Variants in GAB3 observed in about 807,000 individuals in gnomAD.
GAB3 encodes the protein GRB2 associated binding protein 3.
Under a neutral mutation model 40.4 loss-of-function variants are expected in GAB3, and 12 were observed. The observed-to-expected ratio is 0.30, with a 90% CI of 0.19 to 0.48. GAB3 has a LOEUF of 0.48. GAB3 is among the 20% of genes least tolerant of loss of function. GAB3 has a pLI of 0.99. For synonymous variants in GAB3, 154 were observed against 176.7 expected (o/e 0.87, Z 1.02); for missense variants, 381 against 461.9 (o/e 0.82, Z 1.61).
At chrX:154,709,470 G>C (rs781823936) in intron 4 of GAB3, among the ~76,000 whole-genome samples, 10 of 108,908 alleles carry the variant, frequency 9.2e-5, no homozygotes, top group Admixed American at 2.0e-4. Flanking sequence ...ACAGGCACCC[G>C]CCACCACACT....
chrX:154,715,054 G>C (rs1173611949), intron 2 of GAB3, among the ~76,000 whole-genome samples: 3 of 112,334 alleles, frequency 2.7e-5, no homozygotes, highest in African/African-American at 9.7e-5. Flanking sequence ...AAACGAAAAG[G>C]AATGTGTTCT....
intron 1 of GAB3, among the ~76,000 whole-genome samples, chrX:154,728,134 T>C (rs1385774257): frequency 1.8e-5 from 2 of 111,345 alleles, no homozygotes; most frequent in Non-Finnish European, 3.8e-5. Context: ...GGTGGTGAAA[T>C]CCCAAAGCTG....
chrX:154,685,054 T>C (rs1361158243), intron 8 of GAB3, among the ~76,000 whole-genome samples: 1 of 112,143 alleles, frequency 8.9e-6, no homozygotes, highest in Non-Finnish European at 1.9e-5. Flanking sequence ...TCACTCTTTG[T>C]GCTTAGTCTG....
intron 8 of GAB3, among the ~76,000 whole-genome samples, chrX:154,683,719 G>T (rs782013004): frequency 9.9e-5 from 11 of 111,455 alleles, no homozygotes; most frequent in Admixed American, 1.9e-4. Flanking sequence ...ATTTTTTTGT[G>T]GGGGGGAGGG....
At chrX:154,678,537 G>A (rs1460288544) in intron 9 of GAB3, among the ~76,000 whole-genome samples, 1 of 111,877 alleles carries the variant, frequency 8.9e-6, no homozygotes, top group East Asian at 2.8e-4. Flanking sequence ...TGGCATGGCG[G>A]CACGTGCCTG....
intron 1 of GAB3, among the ~76,000 whole-genome samples, chrX:154,727,014 A>G (rs6643697): frequency 0.011 from 1,223 of 112,441 alleles, 14 homozygotes; most frequent in African/African-American, 0.038. Context: ...TTCTTAACAA[A>G]GAAGTCAATA....
chrX:154,749,500 C>G (rs782640183), intron 1 of GAB3, among the ~76,000 whole-genome samples: 3 of 112,293 alleles, frequency 2.7e-5, no homozygotes, highest in Admixed American at 1.9e-4. Flanking sequence ...TCTCTTGCCT[C>G]CTTTGAGTAG....
At position 154,690,968 on chromosome X, in the gene GAB3, C is replaced by T. The variant is rs782786224; in HGVS notation, c.1530+4949G>A. On this transcript the variant is annotated intron_variant, in intron 8 of 9. Coordinates refer to ENST00000424127, the MANE Select transcript of GAB3 (RefSeq NM_001081573.3). ...ATGCTGCTATAAAGACACATGCACA[C>T]GTATGTTTATTGCAGCATTATTCAC... Among the ~76,000 whole-genome samples, 423 of 110,048 alleles carry T rather than the reference C, an allele frequency of 3.8e-3. 3 individuals carry two copies. Among genetic ancestry groups the T allele is most frequent in the Non-Finnish European group, 5.8e-3 (306 of 52,988 alleles).
In GAB3 at chrX:154,734,580, T is replaced by C. The variant is rs782020050; in HGVS notation, c.72+16374A>G. 9.8e-5 allele frequency among the ~76,000 whole-genome samples: 11 copies of C among 112,273 alleles called. No individual in the cohort carries two copies. The South Asian group carries it at 4.1e-3, about 42-fold the overall frequency. On this transcript the variant is annotated intron_variant, in intron 1 of 9. Coordinates refer to ENST00000424127, the MANE Select transcript of GAB3 (RefSeq NM_001081573.3). ...GGCTCTACTTGGCAGGAAGACACTG[T>C]GTTTTCAGGCACTGGGCACAACCCA...
Position 154,742,985 on chromosome X carries a change from CATAT to C in GAB3, c.72+7965_72+7968del, listed in dbSNP as rs34588574. Among the ~76,000 whole-genome samples, 422 of 92,307 alleles carry C rather than the reference CATAT, an allele frequency of 4.6e-3. 1 individual carries two copies. Among genetic ancestry groups the C allele is most frequent in the South Asian group, 6.0e-3 (11 of 1,834 alleles). 80.2% of individuals were successfully genotyped at this position (92,307 alleles called of 115,157 possible). ...ATGGGTGAATTCTATAGTGTGTGTACATATATATATATATATATATATATGTACA... is the reference window on the plus strand; with the variant it reads ...ATGGGTGAATTCTATAGTGTGTGTACATATATATATATATATATATGTACA... On this transcript the variant is annotated intron_variant, in intron 1 of 9. Coordinates refer to ENST00000424127, the MANE Select transcript of GAB3 (RefSeq NM_001081573.3).
chrX:154,697,496 T>C (rs997483913), intron 6 of GAB3, among the ~76,000 whole-genome samples: 9 of 111,890 alleles, frequency 8.0e-5, no homozygotes, highest in African/African-American at 2.9e-4. Flanking sequence ...ACAGGATGAA[T>C]AAAGCAGATG....
At chrX:154,746,052 C>CAAAAAAAAAA (rs201582710) in intron 1 of GAB3, among the ~76,000 whole-genome samples, 1 of 31,525 alleles carries the variant, frequency 3.2e-5, no homozygotes, top group Non-Finnish European at 6.1e-5. Context: ...AACTCCATCT[C>CAAAAAAAAAA]AAAAAAAAAA....
At chrX:154,743,524 T>C (rs2071478239) in intron 1 of GAB3, among the ~76,000 whole-genome samples, 1 of 112,035 alleles carries the variant, frequency 8.9e-6, no homozygotes, top group African/African-American at 3.2e-5. Flanking sequence ...AAATTAGTAG[T>C]AGTGTATCAT....
Position 154,699,321 on chromosome X carries a change from T to A in GAB3, c.1318A>T (p.Asn440Tyr). Residue 440 changes from asparagine (N) to tyrosine (Y), a missense_variant, in exon 6 of 10, where the codon AAT (asparagine) becomes TAT (tyrosine). Physicochemically the swap from Asn to Tyr is moderately radical, Grantham distance 143. This residue lies in a region of GAB3 where 364 missense variants were observed against 421.0 expected (regional missense o/e 0.86). Transcript: ENST00000424127. ...LPANLEPPPV[N>Y]RDLKPQRKSR... ...TTCCTCTGAGGCTTGAGATCTCTAT[T>A]CACTGGGGGAGGTTCCAGGTTTGCA... 2 of 1,210,022 alleles carry A rather than the reference T, an allele frequency of 1.7e-6. No individual in the cohort carries two copies. Among genetic ancestry groups the A allele is most frequent in the African/African-American group, 1.7e-5 (1 of 57,640 alleles).
rs781803525 is a variant in GAB3 at position 154,712,543 on chromosome X, C to T, written c.755G>A (p.Arg252Lys). ...GSGAQEVPSS[R>K]PQAALIWSRE... is the part of the protein sequence containing the mutation. ...ACTCCAGATCAGGGCAGCCTGAGGC[C>T]TCGAGGATGGCACCTCCTGAGCTCC... The change falls in exon 4 of 10, where the codon AGG becomes AAG. Residue 252 changes from arginine to lysine, a missense_variant. Physicochemically the swap from Arg to Lys is conservative, Grantham distance 26 (BLOSUM62 2). Transcript: ENST00000424127. 2.5e-6 allele frequency: 3 copies of T among 1,186,430 alleles called. No homozygotes were observed. The highest frequency in any genetic ancestry group is 1.8e-5 in the African/African-American group (1 of 57,122).
chrX:154,717,624 T>C (rs1316941014), intron 1 of GAB3, among the ~76,000 whole-genome samples: 2 of 111,604 alleles, frequency 1.8e-5, no homozygotes, highest in African/African-American at 3.3e-5. Flanking sequence ...GAGAATGACC[T>C]AGGGCTCCTT....
At chrX:154,688,555 C>A (rs1557248440) in intron 8 of GAB3, among the ~76,000 whole-genome samples, 1 of 111,501 alleles carries the variant, frequency 9.0e-6, no homozygotes, top group Admixed American at 9.5e-5. Context: ...GCTGGGACTA[C>A]AGGCGTGAGC....
intron 8 of GAB3, among the ~76,000 whole-genome samples, chrX:154,684,022 G>A (rs1557247354): frequency 9.0e-6 from 1 of 111,389 alleles, no homozygotes; most frequent in Admixed American, 9.5e-5. Flanking sequence ...TTCATCAGTC[G>A]ATGATCATTT....
At chrX:154,740,925 C>G (rs73641111) in intron 1 of GAB3, among the ~76,000 whole-genome samples, 1 of 111,893 alleles carries the variant, frequency 8.9e-6, no homozygotes, top group African/African-American at 3.2e-5. Flanking sequence ...AGCAGCATCC[C>G]TGGCCTCTAC....
Sources: allele counts gnomAD v4.1 joint callset (sites outside exome capture counted in the v4.1 genomes callset), GRCh38; gene constraint gnomAD v4.1.1; regional missense constraint gnomAD v4.1.1; transcripts MANE v1.5; gene names NCBI Gene and HGNC (gene_info 2026-07-23, HGNC 2026-07-21).